The following CCL5 variants were observed in gnomAD, a reference collection of about 807,000 sequenced individuals.
The protein encoded by CCL5 is C-C motif chemokine ligand 5.
Under a neutral mutation model 9.0 loss-of-function variants are expected in CCL5, and 5 were observed. That is an observed-to-expected ratio of 0.55 (90% CI 0.29 to 1.16). The LOEUF is 1.16. CCL5 is among the 50% of genes most tolerant of loss of function. The pLI, the probability that CCL5 is intolerant of heterozygous loss-of-function variation, is 0.08. For synonymous variants in CCL5, 66 were observed against 72.0 expected (o/e 0.92, Z 0.42); for missense variants, 183 against 183.2 (o/e 1.00, Z 0.01).
intron 3 of CCL5, among the ~76,000 whole-genome samples, chr17:35,874,378 C>T (rs2088415074): frequency 6.6e-6 from 1 of 152,156 alleles, no homozygotes. Context: ...TCACTGCAGC[C>T]TCAACCTCCT....
chr17:35,874,369 C>G (rs552921450), intron 3 of CCL5, among the ~76,000 whole-genome samples: 8 of 152,306 alleles, frequency 5.3e-5, no homozygotes, highest in Non-Finnish European at 1.0e-4. Context: ...GAACACAACT[C>G]ACTGCAGCCT....
At chr17:35,876,632 G>A (rs1468525962) in intron 2 of CCL5, among the ~76,000 whole-genome samples, 1 of 152,088 alleles carries the variant, frequency 6.6e-6, no homozygotes, top group East Asian at 1.9e-4. Flanking sequence ...TACTACTCAC[G>A]TGGATAACAA....
Position 35,872,136 on chromosome 17 carries a change from T to A in CCL5, c.*134A>T. 5.4e-6 allele frequency: 2 copies of A among 367,654 alleles called. No homozygotes were observed. The highest frequency in any genetic ancestry group is 9.5e-6 in the Non-Finnish European group (2 of 211,120). The allele number at this position is 367,654 out of a possible 1,614,324, so 22.8% of individuals were successfully genotyped here. On this transcript the variant is annotated 3_prime_UTR_variant, in exon 4 of 4. Coordinates refer to ENST00000651122, the MANE Select transcript of CCL5 (RefSeq NM_001278736.2). ...TGGGGTTTCATCATGTTGGCCAGGC[T>A]GGTCTCGAACTCCTGACCTCAAGTG...
intron 2 of CCL5, among the ~76,000 whole-genome samples, chr17:35,876,704 T>G (rs1314471781): frequency 2.6e-5 from 4 of 152,238 alleles, no homozygotes; most frequent in Admixed American, 2.6e-4. Context: ...CATTTTACAC[T>G]TGACAGCTGC....
chr17:35,878,543 G>A lies in CCL5; in HGVS notation c.173C>T (p.Ser58Phe). 1 of 1,613,440 alleles carries A rather than the reference G, an allele frequency of 6.2e-7. No individual in the cohort carries two copies. The highest frequency in any genetic ancestry group is 8.5e-7 in the Non-Finnish European group (1 of 1,179,502). Reference sequence around the variant, plus strand: ...TGAGACTCACACGACTGCTGGGTTGGAGCACTTGCCACTGGTGTAGAAATA... The same window carrying A: ...TGAGACTCACACGACTGCTGGGTTGAAGCACTTGCCACTGGTGTAGAAATA... The change falls in exon 2 of 4, where the codon TCC (serine) becomes TTC (phenylalanine). Residue 58 changes from serine (S) to phenylalanine (F), a missense_variant. Transcript: ENST00000651122.
At position 35,880,248 on chromosome 17, in the gene CCL5, G is replaced by A; in HGVS notation, c.58C>T (p.Pro20Ser). The A allele has an allele frequency of 6.2e-7, 1 of 1,613,904 alleles. No homozygotes were observed. The highest frequency in any genetic ancestry group is 8.5e-7 in the Non-Finnish European group (1 of 1,179,910). The change falls in exon 1 of 4, where the codon CCT becomes TCT. Residue 20 changes from proline to serine, a missense_variant. Physicochemically the swap from Pro to Ser is moderately conservative, Grantham distance 74. Coordinates refer to ENST00000651122, the MANE Select transcript of CCL5 (RefSeq NM_001278736.2). ...GACTTACATGGGGAGGCAGATGCAG[G>A]AGCGCAGAGGGCAGTAGCAATGAGG...
At chr17:35,877,477 T>C (rs2088455226) in intron 2 of CCL5, among the ~76,000 whole-genome samples, 1 of 152,212 alleles carries the variant, frequency 6.6e-6, no homozygotes, top group African/African-American at 2.4e-5. Context: ...TCTTAAGCAA[T>C]TGTCACTAAT....
Position 35,875,558 on chromosome 17 carries a change from G to A in CCL5, c.270+3C>T. The A allele has an allele frequency of 1.0e-6, 1 of 983,208 alleles. No individual in the cohort carries two copies. The highest frequency in any genetic ancestry group is 1.2e-6 in the Non-Finnish European group (1 of 827,880). 60.9% of individuals were successfully genotyped at this position (983,208 alleles called of 1,614,324 possible). On this transcript the variant is annotated splice_donor_region_variant and intron_variant, in intron 3 of 3. Transcript: ENST00000651122. ...GGGTGGTGTGAGAGTTTCAGACACA[G>A]ACCTTGCCCTTGTTCAGCCGGGAGT...
intron 3 of CCL5, among the ~76,000 whole-genome samples, chr17:35,874,861 C>T (rs1429829486): frequency 6.6e-6 from 1 of 152,176 alleles, no homozygotes; most frequent in Non-Finnish European, 1.5e-5. Context: ...GACCACCCGC[C>T]TCAGCCTCCC....
At position 35,872,298 on chromosome 17, in the gene CCL5, G is replaced by A. The variant is rs1477395563; in HGVS notation, c.437C>T (p.Pro146Leu). The A allele has an allele frequency of 1.3e-6, 2 of 1,597,558 alleles. No homozygotes were observed. Among genetic ancestry groups the A allele is most frequent in the Non-Finnish European group, 1.7e-6 (2 of 1,168,748 alleles). Residue 146 changes from proline to leucine, a missense_variant, in exon 4 of 4, where the codon CCT becomes CTT. Coordinates refer to ENST00000651122, the MANE Select transcript of CCL5 (RefSeq NM_001278736.2). ...AGGAGCGGGTGGGGTAGGATAGTGA[G>A]GGGAAGCCTCCCAAGCTAGGACAAG... is the stretch of plus-strand genomic sequence containing the variant.
intron 3 of CCL5, among the ~76,000 whole-genome samples, chr17:35,875,009 C>A (rs922509268): frequency 6.6e-6 from 1 of 151,604 alleles, no homozygotes; most frequent in East Asian, 1.9e-4. Context: ...ACAGAAATTC[C>A]GCCTTTGCTT....
rs567046847 is a variant in CCL5 at position 35,875,577 on chromosome 17, C to T, written c.254G>A (p.Arg85Gln). 16 of 985,278 alleles carry T rather than the reference C, an allele frequency of 1.6e-5. No individual in the cohort carries two copies. Among genetic ancestry groups the T allele is most frequent in the Middle Eastern group, 5.2e-4 (1 of 1,916 alleles). 61.0% of individuals were successfully genotyped at this position (985,278 alleles called of 1,614,324 possible). A position where few individuals can be genotyped will look rare whatever the true frequency, so the allele number is the denominator to read the frequency against. The stretch of plus-strand genomic sequence containing the variant: ...GACACAGACCTTGCCCTTGTTCAGC[C>T]GGGAGTCATACAGGAAATCCTGCCA... Residue 85 changes from arginine (R) to glutamine (Q), a missense_variant, in exon 3 of 4, where the codon CGG (arginine) becomes CAG (glutamine). By Grantham distance (43) the Arg-to-Gln change is conservative. Transcript: ENST00000651122.
At chr17:35,873,671 T>C (rs773322991) in intron 3 of CCL5, among the ~76,000 whole-genome samples, 2 of 152,244 alleles carry the variant, frequency 1.3e-5, no homozygotes, top group African/African-American at 4.8e-5. Context: ...TTCTATTTGC[T>C]AAGCTCTGAA....
intron 2 of CCL5, among the ~76,000 whole-genome samples, chr17:35,877,383 C>G (rs1462472383): frequency 3.3e-5 from 5 of 152,070 alleles, no homozygotes; most frequent in Admixed American, 3.3e-4. Context: ...TGTCTCAAAA[C>G]AAAAACAAAA....
Position 35,878,654 on chromosome 17 carries a change from GA to G in CCL5, c.77-16del. 1 of 1,522,708 alleles carries G rather than the reference GA, an allele frequency of 6.6e-7. No homozygotes were observed. Among genetic ancestry groups the G allele is most frequent in the Non-Finnish European group, 9.1e-7 (1 of 1,100,204 alleles). 94.3% of individuals were successfully genotyped at this position (1,522,708 alleles called of 1,614,324 possible). A position where few individuals can be genotyped will look rare whatever the true frequency, so the allele number is the denominator to read the frequency against. On this transcript the variant is annotated splice_polypyrimidine_tract_variant and intron_variant, in intron 1 of 3. Transcript: ENST00000651122. ...GTCCGAGGAATCTGGAAGAGGAAAG[GA>G]AGGAGGGAGACCCTTTTATTCATTG...
intron 2 of CCL5, among the ~76,000 whole-genome samples, chr17:35,877,038 T>C (rs1305698489): frequency 6.6e-6 from 1 of 152,238 alleles, no homozygotes; most frequent in Admixed American, 6.5e-5. Flanking sequence ...TTTAGTAATC[T>C]GTGTCTGCCA....
At position 35,872,691 on chromosome 17, in the gene CCL5, G is replaced by T. The variant is rs75062043; in HGVS notation, c.271-227C>A. 5.9e-3 allele frequency among the ~76,000 whole-genome samples: 892 copies of T among 152,176 alleles called. 1 individual carries two copies. Among genetic ancestry groups the T allele is most frequent in the Non-Finnish European group, 9.6e-3 (656 of 68,016 alleles). On this transcript the variant is annotated intron_variant, in intron 3 of 3. Transcript: ENST00000651122. Reference sequence around the variant, plus strand: ...AAACAAATTTGTGTGCATTTTAATCGCCTTCACACAAATGCATGTAGCCTG... The same window carrying T: ...AAACAAATTTGTGTGCATTTTAATCTCCTTCACACAAATGCATGTAGCCTG...
Position 35,878,581 on chromosome 17 carries a change from G to A in CCL5, c.135C>T (p.Ala45=). Residue 45 remains alanine, a synonymous_variant, in exon 2 of 4, where the codon GCC becomes GCT. Coordinates refer to ENST00000651122, the MANE Select transcript of CCL5 (RefSeq NM_001278736.2). Reference sequence around the variant, plus strand: ...TGGTGTAGAAATACTCCTTGATGTGGGCACGGGGCAGTGGGCGGGCAATGT... The same window carrying A: ...TGGTGTAGAAATACTCCTTGATGTGAGCACGGGGCAGTGGGCGGGCAATGT... 6.2e-7 allele frequency: 1 copy of A among 1,614,064 alleles called. No individual in the cohort carries two copies. Among genetic ancestry groups the A allele is most frequent in the Non-Finnish European group, 8.5e-7 (1 of 1,179,982 alleles).
At chr17:35,877,886 A>T (rs2088461075) in intron 2 of CCL5, among the ~76,000 whole-genome samples, 3 of 151,754 alleles carry the variant, frequency 2.0e-5, no homozygotes, top group African/African-American at 4.8e-5. Flanking sequence ...AATATGGGGG[A>T]CTGTGTGAAA....
Sources: allele counts gnomAD v4.1 joint callset (sites outside exome capture counted in the v4.1 genomes callset), GRCh38; gene constraint gnomAD v4.1.1; transcripts MANE v1.5; gene names NCBI Gene and HGNC (gene_info 2026-07-23, HGNC 2026-07-21).